The following LPP variants were observed in gnomAD, a reference collection of about 807,000 sequenced individuals.
LPP encodes the protein lipoma-preferred partner.
In LPP, 38 loss-of-function variants were observed where a neutral mutation model predicts 60.4. The observed-to-expected ratio is 0.63, with a 90% CI of 0.49 to 0.83. The LOEUF is 0.83. Ranked by LOEUF, LPP falls within the 40% of genes least tolerant of loss-of-function variation. The pLI, the probability that LPP is intolerant of heterozygous loss-of-function variation, is 0.00. For synonymous variants in LPP, 328 were observed against 290.8 expected, an observed-to-expected ratio of 1.13 and a Z score of -1.30; for missense variants, 902 against 783.6, an observed-to-expected ratio of 1.15 and a Z score of -1.80.
chr3:188,427,434 G>T (rs573544253), intron 4 of LPP, among the ~76,000 whole-genome samples: 14 of 152,180 alleles, frequency 9.2e-5, no homozygotes, highest in African/African-American at 3.4e-4. Flanking sequence ...CTTTCTCTCT[G>T]GCTGCCCTTA....
intron 9 of LPP, among the ~76,000 whole-genome samples, chr3:188,772,669 A>G (rs1369939160): frequency 6.6e-6 from 1 of 151,924 alleles, no homozygotes; most frequent in Non-Finnish European, 1.5e-5. Context: ...TAATTTTTGT[A>G]TTTTTAGTAG....
At chr3:188,213,834 T>C (rs912912124) in intron 1 of LPP, among the ~76,000 whole-genome samples, 1 of 152,104 alleles carries the variant, frequency 6.6e-6, no homozygotes, top group Admixed American at 6.5e-5. Context: ...GTGAAAATTA[T>C]GCAATTTTCC....
chr3:188,720,059 C>T (rs747008586), intron 8 of LPP, among the ~76,000 whole-genome samples: 3 of 152,126 alleles, frequency 2.0e-5, no homozygotes, highest in Non-Finnish European at 2.9e-5. Context: ...ACTACAGGCA[C>T]GTGCCACCAC....
intron 7 of LPP, among the ~76,000 whole-genome samples, chr3:188,673,344 C>G (rs1457982737): frequency 1.3e-5 from 2 of 151,662 alleles, no homozygotes; most frequent in African/African-American, 2.4e-5. Flanking sequence ...CAACAACAAA[C>G]CACTGTAGAG....
At chr3:188,426,271 T>C (rs1037891040) in intron 4 of LPP, among the ~76,000 whole-genome samples, 1 of 152,216 alleles carries the variant, frequency 6.6e-6, no homozygotes, top group African/African-American at 2.4e-5. Flanking sequence ...TTTGAGTGAG[T>C]TTCTGAATCC....
At chr3:188,512,256 A>G (rs1053430320) in intron 5 of LPP, among the ~76,000 whole-genome samples, 1 of 152,090 alleles carries the variant, frequency 6.6e-6, no homozygotes, top group Non-Finnish European at 1.5e-5. Flanking sequence ...CAGAACCACA[A>G]ATGTTTGAAG....
intron 7 of LPP, among the ~76,000 whole-genome samples, chr3:188,633,997 C>T (rs1848277564): frequency 6.6e-6 from 1 of 152,082 alleles, no homozygotes. Context: ...AACTGTACTA[C>T]CATCAGTCTG....
chr3:188,536,300 C>T (rs1005102772), intron 6 of LPP, among the ~76,000 whole-genome samples: 1 of 145,696 alleles, frequency 6.9e-6, no homozygotes, highest in Non-Finnish European at 1.5e-5. Context: ...TGAGCCACTG[C>T]ACCCGGCCAT....
At chr3:188,197,328 G>A (rs560045355) in intron 1 of LPP, among the ~76,000 whole-genome samples, 2 of 152,242 alleles carry the variant, frequency 1.3e-5, no homozygotes, top group South Asian at 4.1e-4. Flanking sequence ...ATCACCACCA[G>A]AGTAGAATAA....
chr3:188,188,328 A>G (rs371886787), intron 1 of LPP, among the ~76,000 whole-genome samples: 14 of 152,274 alleles, frequency 9.2e-5, no homozygotes, highest in African/African-American at 2.4e-4. Context: ...TTTTCTTGGC[A>G]GCTTTTGGAA....
intron 2 of LPP, among the ~76,000 whole-genome samples, chr3:188,272,547 C>A (rs1490474546): frequency 6.6e-6 from 1 of 152,088 alleles, no homozygotes; most frequent in African/African-American, 2.4e-5. Flanking sequence ...CTCTGTGAGC[C>A]TTTTGCTACT....
chr3:188,617,723 TACC>T (rs1845123848), intron 7 of LPP, among the ~76,000 whole-genome samples: 1 of 152,196 alleles, frequency 6.6e-6, no homozygotes, highest in African/African-American at 2.4e-5. Context: ...TGTTTAAAAA[TACC>T]CCAGGTCTCA....
intron 6 of LPP, among the ~76,000 whole-genome samples, chr3:188,600,551 A>T (rs1368777325): frequency 6.6e-6 from 1 of 151,980 alleles, no homozygotes; most frequent in Non-Finnish European, 1.5e-5. Context: ...TATAGTGGTA[A>T]AATATACATA....
chr3:188,807,480 A>G (rs1749524943), intron 9 of LPP, among the ~76,000 whole-genome samples: 2 of 151,720 alleles, frequency 1.3e-5, no homozygotes, highest in South Asian at 2.1e-4. Context: ...TCATTCTTTT[A>G]TATTTTCTCT....
intron 9 of LPP, among the ~76,000 whole-genome samples, chr3:188,849,785 C>G (rs1461997014): frequency 6.6e-6 from 1 of 152,020 alleles, no homozygotes; most frequent in East Asian, 1.9e-4. Context: ...AGAGCCTAGC[C>G]CAGTGTTTAG....
At chr3:188,697,432 T>C (rs755425302) in intron 7 of LPP, among the ~76,000 whole-genome samples, 2 of 152,212 alleles carry the variant, frequency 1.3e-5, no homozygotes, top group Non-Finnish European at 1.5e-5. Flanking sequence ...TTTCAGTGTC[T>C]TGTGTCACGT....
chr3:188,260,541 T>A (rs1286331210), intron 2 of LPP, among the ~76,000 whole-genome samples: 1 of 152,074 alleles, frequency 6.6e-6, no homozygotes, highest in Admixed American at 6.6e-5. Context: ...ATTGTCACTA[T>A]TGTCACTGAT....
chr3:188,193,113 T>G (rs1301909309), intron 1 of LPP, among the ~76,000 whole-genome samples: 2 of 152,194 alleles, frequency 1.3e-5, no homozygotes, highest in African/African-American at 2.4e-5. Context: ...TGTTCCTGGT[T>G]GAGATTTGGC....
chr3:188,649,242 G>A (rs976211191), intron 7 of LPP, among the ~76,000 whole-genome samples: 8 of 152,280 alleles, frequency 5.3e-5, no homozygotes, highest in Admixed American at 2.6e-4. Context: ...AGTATGTCAT[G>A]CTCTGACAGT....
Sources: allele counts gnomAD v4.1 joint callset (sites outside exome capture counted in the v4.1 genomes callset), GRCh38; gene constraint gnomAD v4.1.1; transcripts MANE v1.5; gene names NCBI Gene and HGNC (gene_info 2026-07-23, HGNC 2026-07-21).